The following MROH1 variants were observed in gnomAD, a reference collection of about 807,000 sequenced individuals.
MROH1 encodes maestro heat like repeat family member 1.
Under a neutral mutation model 116.5 loss-of-function variants are expected in MROH1, and 117 were observed. The observed-to-expected ratio is 1.00, with a 90% CI of 0.86 to 1.17. The LOEUF (loss-of-function observed/expected upper bound fraction) is 1.17, where lower values mean the gene tolerates loss of function less well. MROH1 is among the 50% of genes most tolerant of loss of function. The pLI is 0.00. For missense variants in MROH1, 1,873 were observed against 1,338.5 expected, an observed-to-expected ratio of 1.40 and a Z score of -6.23; for synonymous variants, 921 against 583.9, an observed-to-expected ratio of 1.58 and a Z score of -8.32.
chr8:144,166,427 T>A (rs1481034265), intron 3 of MROH1, among the ~76,000 whole-genome samples: 3 of 152,156 alleles, frequency 2.0e-5, no homozygotes, highest in Admixed American at 2.0e-4. Context: ...CAGGCCCCGG[T>A]TCAGCTCTGG....
In MROH1 at chr8:144,180,108, G is replaced by A. The variant is rs1284797099; in HGVS notation, c.301-70G>A. ...TGAAAACAGCGTGCGCTTGTCCAAGGCTGGCAGCGACTGAGGGCAGAATGT... is the reference window on the plus strand; with the variant it reads ...TGAAAACAGCGTGCGCTTGTCCAAGACTGGCAGCGACTGAGGGCAGAATGT... On this transcript the variant is annotated intron_variant, in intron 5 of 43. Transcript: ENST00000326134. The surrounding 1 kb of genome is among the most constrained non-coding windows in gnomAD (Gnocchi z 7.4). 1 of 1,582,388 alleles carries A rather than the reference G, an allele frequency of 6.3e-7. No homozygotes were observed. Among genetic ancestry groups the A allele is most frequent in the Non-Finnish European group, 8.6e-7 (1 of 1,157,040 alleles).
rs886664286 is a variant in MROH1 at position 144,179,492 on chromosome 8, T to C, written c.206T>C (p.Met69Thr). ...HPYRAAVLRA[M>T]ERVLSSRASE... The stretch of plus-strand genomic sequence containing the variant: ...TACCGAGCAGCGGTCCTGAGGGCCA[T>C]GGAGAGGGTCCTGAGCAGTCGCGCC... The change falls in exon 5 of 44, where the codon ATG (methionine) becomes ACG (threonine). Residue 69 changes from methionine to threonine, a missense_variant. By Grantham distance (81) the Met-to-Thr change is moderately conservative. Coordinates refer to ENST00000326134, the MANE Select transcript of MROH1 (RefSeq NM_032450.3). The C allele has an allele frequency of 3.1e-6, 5 of 1,613,454 alleles. No homozygotes were observed. Among genetic ancestry groups the C allele is most frequent in the East Asian group, 2.2e-5 (1 of 44,868 alleles).
chr8:144,185,012 C>T (rs952014788), intron 7 of MROH1, among the ~76,000 whole-genome samples: 4 of 152,188 alleles, frequency 2.6e-5, no homozygotes, highest in Admixed American at 6.5e-5. Context: ...AGGGGATCCC[C>T]GCGCCAGCAA....
chr8:144,191,148 C>T (rs1180812907), intron 8 of MROH1, among the ~76,000 whole-genome samples: 1 of 152,190 alleles, frequency 6.6e-6, no homozygotes, highest in African/African-American at 2.4e-5. Flanking sequence ...TGGCTCACTG[C>T]AGCCTCCGCC....
intron 9 of MROH1, 27 bp downstream of exon 9, chr8:144,191,882 G>A (rs760891362): frequency 6.2e-7 from 1 of 1,611,956 alleles, no homozygotes; most frequent in Non-Finnish European, 8.5e-7. Flanking sequence ...CAGGTCTACT[G>A]TCCCCGAGGA....
At chr8:144,174,844 G>A (rs1823423669) in intron 4 of MROH1, 21 of 985,146 alleles carry the variant, frequency 2.1e-5, no homozygotes, top group Non-Finnish European at 2.2e-5. Flanking sequence ...ATGTTTTCCA[G>A]TTGCATAACC....
intron 12 of MROH1, 23 bp from the exon 13 acceptor site, chr8:144,220,577 G>C (rs1196096852): frequency 6.4e-7 from 1 of 1,558,828 alleles, no homozygotes; most frequent in African/African-American, 1.4e-5. Context: ...GGTAGGCTGA[G>C]CTGTCCTGTT....
At chr8:144,206,576 C>T (rs1015470679) in intron 12 of MROH1, among the ~76,000 whole-genome samples, 2 of 151,640 alleles carry the variant, frequency 1.3e-5, no homozygotes, top group African/African-American at 4.8e-5. Context: ...GCGAACACCA[C>T]CACACCCGGC....
intron 1 of MROH1, among the ~76,000 whole-genome samples, chr8:144,149,192 T>C (rs1390263845): frequency 1.3e-5 from 2 of 151,992 alleles, no homozygotes; most frequent in African/African-American, 4.8e-5. Flanking sequence ...GTGGTACGTG[T>C]TTGTGACGTG....
At chr8:144,200,639 T>A (rs1158883580) in intron 12 of MROH1, 98 bp downstream of exon 12, 2 of 882,930 alleles carry the variant, frequency 2.3e-6, no homozygotes, top group Non-Finnish European at 3.6e-6. Context: ...AGCACCATCC[T>A]GCTTTGAATT....
chr8:144,176,933 G>A (rs1181387963), intron 4 of MROH1, among the ~76,000 whole-genome samples: 1 of 152,100 alleles, frequency 6.6e-6, no homozygotes, highest in Non-Finnish European at 1.5e-5. Flanking sequence ...GGGTGGAGGT[G>A]GCTGGTACAG....
At chr8:144,159,181 A>G (rs1818887691) in intron 1 of MROH1, among the ~76,000 whole-genome samples, 1 of 152,156 alleles carries the variant, frequency 6.6e-6, no homozygotes, top group African/African-American at 2.4e-5. Flanking sequence ...AATGTGGTGA[A>G]ACCCCATCTC....
chr8:144,241,941 C>G lies in MROH1; in HGVS notation c.2178+424C>G, dbSNP rs1014230632. ...CTATTTCCTGTCTCCCGTAACTGTC[C>G]CAGTTACAGCATCTCAGGGCTGGAC... On this transcript the variant is annotated intron_variant, in intron 22 of 43. Coordinates refer to ENST00000326134, the MANE Select transcript of MROH1 (RefSeq NM_032450.3). Among the ~76,000 whole-genome samples, 9 of 152,328 alleles carry G rather than the reference C, an allele frequency of 5.9e-5. No individual in the cohort carries two copies. The East Asian group carries it at 1.7e-3, about 29-fold the overall frequency.
chr8:144,177,277 CCACGTGCGG>C (rs1297595728), intron 4 of MROH1, among the ~76,000 whole-genome samples: 1 of 152,166 alleles, frequency 6.6e-6, no homozygotes. Context: ...TATGCCACAG[CCACGTGCGG>C]CACGTGTATG....
intron 1 of MROH1, among the ~76,000 whole-genome samples, chr8:144,153,705 C>T (rs1227331525): frequency 2.0e-5 from 3 of 152,196 alleles, no homozygotes; most frequent in Non-Finnish European, 4.4e-5. Context: ...ATCCTAATTT[C>T]ATTTCCTCTG....
chr8:144,238,313 A>G (rs1189364026), intron 14 of MROH1, among the ~76,000 whole-genome samples: 1 of 152,146 alleles, frequency 6.6e-6, no homozygotes, highest in East Asian at 1.9e-4. Context: ...CGTGTGGGAA[A>G]CAGAAGTCGT....
At chr8:144,175,462 C>A in intron 4 of MROH1, 1 of 982,564 alleles carries the variant, frequency 1.0e-6, no homozygotes, top group Non-Finnish European at 1.2e-6. Context: ...GACCAATTTA[C>A]ACTGATTTTC....
At chr8:144,237,064 C>G (rs1840167061) in intron 14 of MROH1, among the ~76,000 whole-genome samples, 1 of 151,808 alleles carries the variant, frequency 6.6e-6, no homozygotes, top group Non-Finnish European at 1.5e-5. Context: ...CGCCACCACG[C>G]CCGGCTAATT....
rs953792046 is a variant in MROH1, at chr8:144,258,838, C to T, written c.3853C>T (p.Arg1285Cys). 36 of 769,134 alleles carry T rather than the reference C, an allele frequency of 4.7e-5. No individual in the cohort carries two copies. The highest frequency in any genetic ancestry group is 2.2e-4 in the Admixed American group (13 of 57,862). 47.6% of individuals were successfully genotyped at this position (769,134 alleles called of 1,614,324 possible). A position where few individuals can be genotyped will look rare whatever the true frequency, so the allele number is the denominator to read the frequency against. Residue 1285 changes from arginine (R) to cysteine (C), a missense_variant, in exon 36 of 44, where the codon CGC becomes TGC. Arg to Cys is a radical substitution (Grantham distance 180). Transcript: ENST00000326134. ...LRSGSEDVVQ[R>C]MDLEGGWELL... The stretch of plus-strand genomic sequence containing the variant: ...CAGCGGCAGCGAGGATGTGGTACAG[C>T]GCATGGACCTGGAGGGAGGCTGGGA...
Sources: allele counts gnomAD v4.1 joint callset (sites outside exome capture counted in the v4.1 genomes callset), GRCh38; gene constraint gnomAD v4.1.1; non-coding constraint Gnocchi (gnomAD v3.1); transcripts MANE v1.5; gene names NCBI Gene and HGNC (gene_info 2026-07-23, HGNC 2026-07-21).